MAST3: variants seen among roughly 807,000 people sequenced by gnomAD.
MAST3 encodes microtubule associated serine/threonine kinase 3, also known as microtubule-associated serine/threonine-protein kinase 3.
In MAST3, 43 loss-of-function variants were observed where a neutral mutation model predicts 127.0. The observed-to-expected ratio is 0.34, with a 90% CI of 0.27 to 0.44. The LOEUF (loss-of-function observed/expected upper bound fraction) is 0.44. Ranked by LOEUF, MAST3 falls within the 20% of genes least tolerant of loss-of-function variation. MAST3 has a pLI of 1.00. For missense variants in MAST3, 1,390 were observed against 1,919.1 expected, an observed-to-expected ratio of 0.72 and a Z score of 5.15; for synonymous variants, 785 against 809.2, an observed-to-expected ratio of 0.97 and a Z score of 0.51.
intron 1 of MAST3, among the ~76,000 whole-genome samples, chr19:18,101,350 C>A (rs900356532): frequency 4.1e-5 from 6 of 145,792 alleles, no homozygotes; most frequent in African/African-American, 1.2e-4. Flanking sequence ...TCCTCCTCCT[C>A]CTCCTCCTCC....
intron 3 of MAST3, among the ~76,000 whole-genome samples, chr19:18,120,838 C>T (rs2039886690): frequency 6.6e-6 from 1 of 152,200 alleles, no homozygotes; most frequent in Non-Finnish European, 1.5e-5. Context: ...TCTCCTGCCT[C>T]AGCCTACCAA....
rs995259199 is a variant in MAST3, at chr19:18,135,857, G to A, written c.1972+16G>A. ...CTGGGCACTGGTATGTAGTGTGGGG[G>A]AGAACCCAGGTGGGTGGCTCCTTCA... On this transcript the variant is annotated intron_variant, in intron 18 of 27. Transcript: ENST00000687212. 3 of 1,582,014 alleles carry A rather than the reference G, an allele frequency of 1.9e-6. No homozygotes were observed. In the African/African-American group the frequency reaches 4.0e-5, roughly 21 times the overall value.
intron 1 of MAST3, among the ~76,000 whole-genome samples, chr19:18,099,196 G>C (rs2037321009): frequency 6.6e-6 from 1 of 151,872 alleles, no homozygotes; most frequent in African/African-American, 2.4e-5. Flanking sequence ...GCAGGTGATG[G>C]GAAGCCAGGT....
intron 14 of MAST3, among the ~76,000 whole-genome samples, chr19:18,131,142 G>A (rs544122400): frequency 2.0e-4 from 30 of 152,322 alleles, no homozygotes; most frequent in African/African-American, 6.5e-4. Flanking sequence ...TCAGCTTGGC[G>A]CGCTGGCTCA....
intron 10 of MAST3, 73 bp downstream of exon 10, chr19:18,124,439 G>T: frequency 1.4e-6 from 2 of 1,439,412 alleles, no homozygotes; most frequent in Non-Finnish European, 1.9e-6. Flanking sequence ...GTCCTGCCAA[G>T]ATACAGGTGA....
chr19:18,145,447 C>T lies in MAST3; in HGVS notation c.3039+218C>T, dbSNP rs2042927502. On this transcript the variant is annotated intron_variant, in intron 24 of 27. Coordinates refer to ENST00000687212, the MANE Select transcript of MAST3 (RefSeq NM_001393504.1). The surrounding 1 kb of genome is among the most constrained non-coding windows in gnomAD (Gnocchi z 5.9). Reference sequence around the variant, plus strand: ...CTCACAGATCCCAAGTGGCATTAACCTCCCAGCTCCATATGGGGACGCACT... The same window carrying T: ...CTCACAGATCCCAAGTGGCATTAACTTCCCAGCTCCATATGGGGACGCACT... 1.3e-5 allele frequency among the ~76,000 whole-genome samples: 2 copies of T among 152,208 alleles called. No individual in the cohort carries two copies. The highest frequency in any genetic ancestry group is 4.1e-4 in the South Asian group (2 of 4,834).
chr19:18,105,967 C>T (rs1020133174), intron 1 of MAST3, among the ~76,000 whole-genome samples: 1 of 152,182 alleles, frequency 6.6e-6, no homozygotes, highest in African/African-American at 2.4e-5. Flanking sequence ...AGAGGGACAT[C>T]TGAGATGGGA....
At chr19:18,146,409 T>G (rs2043015083) in intron 25 of MAST3, among the ~76,000 whole-genome samples, 1 of 152,158 alleles carries the variant, frequency 6.6e-6, no homozygotes, top group Non-Finnish European at 1.5e-5. Flanking sequence ...CGTGCCATAC[T>G]GCACTCCAGC....
chr19:18,146,418 G>A (rs993467776), intron 25 of MAST3, among the ~76,000 whole-genome samples: 10 of 152,190 alleles, frequency 6.6e-5, no homozygotes, highest in Admixed American at 5.9e-4. Context: ...CTGCACTCCA[G>A]CCTGGGACAC....
chr19:18,124,213 G>A, intron 9 of MAST3, 52 bp from the exon 10 acceptor site: 2 of 1,589,624 alleles, frequency 1.3e-6, no homozygotes, highest in Non-Finnish European at 1.7e-6. Flanking sequence ...GGGGTCCCCA[G>A]GCCAGACGGT....
rs961273024 is a variant in MAST3 at position 18,116,292 on chromosome 19, A to AT, written c.162-5384dup. Among the ~76,000 whole-genome samples the AT allele has an allele frequency of 2.5e-4, 36 of 143,914 alleles. No individual in the cohort carries two copies. The South Asian group carries it at 4.4e-3, about 18-fold the overall frequency. The allele number at this position is 143,914 out of a possible 152,430, so 94.4% of individuals were successfully genotyped here. ...TGTACTTTTATTTCTTTTATTTTTTATTTTTTTTTATTTTTTTGAGACAGA... is the reference window on the plus strand; with the variant it reads ...TGTACTTTTATTTCTTTTATTTTTTATTTTTTTTTTATTTTTTTGAGACAGA... On this transcript the variant is annotated intron_variant, in intron 3 of 27. Transcript: ENST00000687212.
rs1354726439 is a variant in MAST3 at position 18,110,317 on chromosome 19, G to C, written c.72-335G>C. On this transcript the variant is annotated intron_variant, in intron 2 of 27. Coordinates refer to ENST00000687212, the MANE Select transcript of MAST3 (RefSeq NM_001393504.1). The surrounding 1 kb of genome is among the most constrained non-coding windows in gnomAD (Gnocchi z 4.3). ...GCCGCACAGAGGCGGCCTCTGCCTCGGCATGAAGTCCCGCAGGGACAAGCT... is the reference window on the plus strand; with the variant it reads ...GCCGCACAGAGGCGGCCTCTGCCTCCGCATGAAGTCCCGCAGGGACAAGCT... 2 of 985,412 alleles carry C rather than the reference G, an allele frequency of 2.0e-6. No homozygotes were observed. The highest frequency in any genetic ancestry group is 4.7e-5 in the South Asian group (1 of 21,292). 61.0% of individuals were successfully genotyped at this position (985,412 alleles called of 1,614,324 possible).
intron 2 of MAST3, chr19:18,109,831 G>A: frequency 1.7e-6 from 1 of 591,330 alleles, no homozygotes; most frequent in Non-Finnish European, 2.1e-6. Flanking sequence ...AGCTGGCCGG[G>A]ATGCGGGGTT....
chr19:18,125,344 GCA>G (rs2040490069), intron 11 of MAST3, among the ~76,000 whole-genome samples: 1 of 152,206 alleles, frequency 6.6e-6, no homozygotes, highest in Admixed American at 6.5e-5. Context: ...CCTTTGTCCT[GCA>G]AATTCACAAA....
intron 3 of MAST3, among the ~76,000 whole-genome samples, chr19:18,117,897 C>T (rs1308987382): frequency 2.6e-5 from 4 of 151,502 alleles, no homozygotes; most frequent in Non-Finnish European, 5.9e-5. Context: ...CCCGCCCACT[C>T]GCCGGCACGC....
chr19:18,133,549 ATTTTTTTTTT>A (rs3048882), intron 15 of MAST3, among the ~76,000 whole-genome samples: 1 of 91,844 alleles, frequency 1.1e-5, no homozygotes, highest in African/African-American at 4.6e-5. Flanking sequence ...CGCCCAGCTA[ATTTTTTTTTT>A]TTTTTTTTTT....
chr19:18,148,185 C>T lies in MAST3; in HGVS notation c.3508+561C>T, dbSNP rs527380346. 1.6e-4 allele frequency among the ~76,000 whole-genome samples: 24 copies of T among 152,164 alleles called. 1 individual carries two copies. Among genetic ancestry groups the T allele is most frequent in the Admixed American group, 1.2e-3 (18 of 15,284 alleles). On this transcript the variant is annotated intron_variant, in intron 27 of 27. Transcript: ENST00000687212. ...GTGTGGTGGCACATGCCTGTAGTCC[C>T]AGCTACTAGGGAGGCTGAGGCAGGA... is the stretch of plus-strand genomic sequence containing the variant.
chr19:18,111,782 G>A (rs58192594), intron 3 of MAST3, among the ~76,000 whole-genome samples: 3,692 of 152,144 alleles, frequency 0.024, 104 homozygotes, highest in Admixed American at 0.077. Context: ...CTCCCCAAGT[G>A]CTGGGATTAC....
At chr19:18,121,985 C>A in intron 5 of MAST3, 63 bp downstream of exon 5, 1 of 1,587,794 alleles carries the variant, frequency 6.3e-7, no homozygotes, top group Non-Finnish European at 8.6e-7. Context: ...GGCAGGGGCA[C>A]GTGCTCGGTG....
Sources: gnomAD v4.1 joint callset for allele counts (sites outside exome capture counted in the v4.1 genomes callset) on GRCh38, gnomAD v4.1.1 for gene constraint, Gnocchi (gnomAD v3.1) non-coding constraint, MANE v1.5 for transcripts, NCBI Gene and HGNC (gene_info 2026-07-23, HGNC 2026-07-21) for gene names.